Variants in FHIT observed in about 807,000 individuals in gnomAD.
The protein encoded by FHIT is fragile histidine triad diadenosine triphosphatase, also known as bis(5'-adenosyl)-triphosphatase.
In FHIT, 19 loss-of-function variants were observed where a neutral mutation model predicts 17.9. That is an observed-to-expected ratio of 1.06 (90% confidence interval 0.74 to 1.56). The LOEUF (loss-of-function observed/expected upper bound fraction) is 1.56. Ranked by LOEUF, FHIT falls within the 40% of genes most tolerant of loss-of-function variation. FHIT has a pLI of 0.00. For missense variants in FHIT, 248 were observed against 189.2 expected (o/e 1.31, Z -1.82); for synonymous variants, 81 against 69.7 (o/e 1.16, Z -0.81).
intron 4 of FHIT, among the ~76,000 whole-genome samples, chr3:60,684,210 C>G (rs1206538699): frequency 6.6e-6 from 1 of 152,036 alleles, no homozygotes; most frequent in African/African-American, 2.4e-5. Context: ...CCATTCCTTG[C>G]CACTTTCAGC....
intron 2 of FHIT, among the ~76,000 whole-genome samples, chr3:61,162,831 C>T (rs2037736094): frequency 6.6e-6 from 1 of 152,042 alleles, no homozygotes; most frequent in East Asian, 1.9e-4. Flanking sequence ...CCAGTTTTGC[C>T]CTCCATTTGT....
At chr3:59,984,172 T>C (rs1708783779) in intron 7 of FHIT, among the ~76,000 whole-genome samples, 1 of 152,120 alleles carries the variant, frequency 6.6e-6, no homozygotes, top group Non-Finnish European at 1.5e-5. Flanking sequence ...CTGAACCTCA[T>C]ATTCTTTCTC....
At chr3:60,399,975 G>A (rs745514827) in intron 5 of FHIT, among the ~76,000 whole-genome samples, 1 of 152,122 alleles carries the variant, frequency 6.6e-6, no homozygotes. Context: ...CCAGGAACTA[G>A]TCTGAGGCAG....
At chr3:61,117,938 C>A (rs938678681) in intron 2 of FHIT, among the ~76,000 whole-genome samples, 2 of 152,110 alleles carry the variant, frequency 1.3e-5, no homozygotes, top group Non-Finnish European at 2.9e-5. Context: ...ATGGGGCACT[C>A]TTTTGAGTTC....
rs368167996 is a variant in FHIT at position 60,826,806 on chromosome 3, A to C, written c.-110-4795T>G. 2.0e-5 allele frequency among the ~76,000 whole-genome samples: 3 copies of C among 151,794 alleles called. No individual in the cohort carries two copies. The South Asian group carries it at 6.2e-4, about 32-fold the overall frequency. On this transcript the variant is annotated intron_variant, in intron 3 of 9. Transcript: ENST00000492590. ...CACAGGAACACACATTTACAGACAA[A>C]GTAAACCAAGGGTACACCATGGACA...
intron 4 of FHIT, among the ~76,000 whole-genome samples, chr3:60,555,680 CTATT>C (rs1316333960): frequency 2.6e-4 from 39 of 152,154 alleles, no homozygotes; most frequent in African/African-American, 8.9e-4. Context: ...CCTCTTCACT[CTATT>C]TGTCACCATT....
At chr3:61,225,146 T>A (rs866110930) in intron 1 of FHIT, among the ~76,000 whole-genome samples, 2 of 152,328 alleles carry the variant, frequency 1.3e-5, no homozygotes, top group East Asian at 1.9e-4. Context: ...GGAAACAGCA[T>A]GAAGGAATTG....
At chr3:60,146,548 C>T (rs957055008) in intron 5 of FHIT, among the ~76,000 whole-genome samples, 4 of 152,106 alleles carry the variant, frequency 2.6e-5, no homozygotes, top group African/African-American at 9.7e-5. Flanking sequence ...TTTGGATCTG[C>T]CCTCTTAAAA....
intron 2 of FHIT, among the ~76,000 whole-genome samples, chr3:61,120,602 C>T (rs2036429104): frequency 6.6e-6 from 1 of 152,110 alleles, no homozygotes; most frequent in Non-Finnish European, 1.5e-5. Context: ...AATCCCCAAC[C>T]AACCACTGGT....
intron 5 of FHIT, among the ~76,000 whole-genome samples, chr3:60,137,954 T>C (rs1198025082): frequency 6.6e-6 from 1 of 152,224 alleles, no homozygotes; most frequent in Non-Finnish European, 1.5e-5. Flanking sequence ...GTCATTATCT[T>C]GACCAGCTCC....
At chr3:60,212,498 A>T (rs1011660296) in intron 5 of FHIT, among the ~76,000 whole-genome samples, 1 of 152,186 alleles carries the variant, frequency 6.6e-6, no homozygotes, top group Non-Finnish European at 1.5e-5. Flanking sequence ...AATAATACTA[A>T]TATCTATTTT....
chr3:60,746,500 C>T (rs546913745), intron 4 of FHIT, among the ~76,000 whole-genome samples: 8 of 152,220 alleles, frequency 5.3e-5, no homozygotes, highest in African/African-American at 1.4e-4. Flanking sequence ...TACATGGGTT[C>T]GGACGATCAT....
At chr3:60,175,183 G>A (rs1047875769) in intron 5 of FHIT, among the ~76,000 whole-genome samples, 1 of 152,136 alleles carries the variant, frequency 6.6e-6, no homozygotes, top group Non-Finnish European at 1.5e-5. Flanking sequence ...CACAGAGCTG[G>A]ATTTTTATAA....
intron 4 of FHIT, among the ~76,000 whole-genome samples, chr3:60,660,156 A>G (rs1463794568): frequency 6.6e-6 from 1 of 152,184 alleles, no homozygotes; most frequent in African/African-American, 2.4e-5. Context: ...AACAAAAGGA[A>G]AAGAGTGCTA....
Position 60,105,961 on chromosome 3 carries a change from A to G in FHIT, c.104-91809T>C, listed in dbSNP as rs149826402. Among the ~76,000 whole-genome samples, 974 of 152,316 alleles carry G rather than the reference A, an allele frequency of 6.4e-3. 6 individuals carry two copies. Among genetic ancestry groups the G allele is most frequent in the Non-Finnish European group, 9.4e-3 (637 of 68,022 alleles). ...ACCCTTGGTTAACCATGGTCCAAAAATATTAAATGGAAAATCCCAGAAATA... is the reference window on the plus strand; with the variant it reads ...ACCCTTGGTTAACCATGGTCCAAAAGTATTAAATGGAAAATCCCAGAAATA... On this transcript the variant is annotated intron_variant, in intron 5 of 9. Transcript: ENST00000492590.
rs72498196 is a variant in FHIT, at chr3:60,122,111, T to TAA, written c.104-107961_104-107960dup. Among the ~76,000 whole-genome samples the TAA allele has an allele frequency of 5.8e-4, 87 of 149,892 alleles. 1 individual carries two copies. The South Asian group carries it at 0.01, about 17-fold the overall frequency. On this transcript the variant is annotated intron_variant, in intron 5 of 9. Coordinates refer to ENST00000492590, the MANE Select transcript of FHIT (RefSeq NM_002012.4). ...TTTTCTTCAGAAGAGAAATTGCAAC[T>TAA]AAAAAAAAACGCCTAGAGATAATAA...
At chr3:60,827,179 G>A (rs571403136) in intron 3 of FHIT, among the ~76,000 whole-genome samples, 45 of 152,186 alleles carry the variant, frequency 3.0e-4, no homozygotes, top group Admixed American at 7.9e-4. Context: ...AAAGTTTGCA[G>A]GAAAGTTCAG....
chr3:59,986,705 TA>T (rs1708950224), intron 7 of FHIT, among the ~76,000 whole-genome samples: 1 of 48,540 alleles, frequency 2.1e-5, no homozygotes, highest in Non-Finnish European at 3.0e-5. Flanking sequence ...TATATATTTA[TA>T]TAAATATATA....
chr3:61,140,497 G>C (rs1352282251), intron 2 of FHIT, among the ~76,000 whole-genome samples: 2 of 152,092 alleles, frequency 1.3e-5, no homozygotes, highest in African/African-American at 4.8e-5. Context: ...ATAATCAAAG[G>C]GCGTGGGTAA....
Sources: allele counts gnomAD v4.1 joint callset (sites outside exome capture counted in the v4.1 genomes callset), GRCh38; gene constraint gnomAD v4.1.1; transcripts MANE v1.5; gene names NCBI Gene and HGNC (gene_info 2026-07-23, HGNC 2026-07-21).